The following CHRM5 variants were observed in gnomAD, a reference collection of about 807,000 sequenced individuals.
The protein encoded by CHRM5 is muscarinic acetylcholine receptor M5.
Under a neutral mutation model 39.0 loss-of-function variants are expected in CHRM5, and 18 were observed. The ratio of observed to expected loss-of-function variants is 0.46; its 90% CI spans 0.32 to 0.68. The LOEUF is 0.68. CHRM5 is among the 30% of genes least tolerant of loss of function. The pLI is 0.04. For synonymous variants in CHRM5, 241 were observed against 246.3 expected (o/e 0.98, Z 0.20); for missense variants, 515 against 651.1 (o/e 0.79, Z 2.28).
At chr15:33,973,374 TACAAC>T (rs2140501606) in intron 1 of CHRM5, among the ~76,000 whole-genome samples, 1 of 152,306 alleles carries the variant, frequency 6.6e-6, no homozygotes, top group Non-Finnish European at 1.5e-5. Flanking sequence ...TATAACATAG[TACAAC>T]TCTTAATATT....
In CHRM5 at chr15:34,062,742, G is replaced by A; in HGVS notation, c.25G>A (p.Ala9Thr). Reference protein sequence around the residue: MEGDSYHNATTVNGTPVNH... With the variant: MEGDSYHNTTTVNGTPVNH... ...GATGGAAGGGGATTCTTACCACAAT[G>A]CAACCACCGTCAATGGCACCCCAGT... is the stretch of plus-strand genomic sequence containing the variant. The change falls in exon 3 of 3, where the codon GCA becomes ACA. Residue 9 changes from alanine (A) to threonine (T), a missense_variant. Ala to Thr is a moderately conservative substitution (Grantham distance 58, BLOSUM62 0). Transcript: ENST00000383263. The A allele has an allele frequency of 2.5e-6, 4 of 1,612,624 alleles. No homozygotes were observed. Among genetic ancestry groups the A allele is most frequent in the Non-Finnish European group, 1.7e-6 (2 of 1,179,058 alleles).
chr15:34,008,915 T>C (rs534085644), intron 1 of CHRM5, among the ~76,000 whole-genome samples: 2 of 128,736 alleles, frequency 1.6e-5, no homozygotes, highest in African/African-American at 2.7e-5. Context: ...TCCATTTTGT[T>C]AAGATAAAAT....
chr15:34,020,161 A>T (rs888277087), intron 1 of CHRM5, among the ~76,000 whole-genome samples: 5 of 152,028 alleles, frequency 3.3e-5, no homozygotes, highest in Non-Finnish European at 7.4e-5. Flanking sequence ...AATACAAAAA[A>T]TTAGCCAGGC....
intron 1 of CHRM5, among the ~76,000 whole-genome samples, chr15:34,031,356 A>G (rs1027377928): frequency 4.0e-5 from 6 of 151,714 alleles, no homozygotes; most frequent in Non-Finnish European, 8.8e-5. Flanking sequence ...TATATTTCTA[A>G]TAGCGACAGG....
chr15:34,006,180 G>A (rs1897330979), intron 1 of CHRM5, among the ~76,000 whole-genome samples: 3 of 151,980 alleles, frequency 2.0e-5, no homozygotes, highest in Admixed American at 6.6e-5. Context: ...GCATGGTGGC[G>A]GGCACCTGTA....
intron 1 of CHRM5, among the ~76,000 whole-genome samples, chr15:34,011,739 A>G (rs1369166923): frequency 1.3e-5 from 2 of 152,092 alleles, no homozygotes; most frequent in Non-Finnish European, 2.9e-5. Context: ...AAGTCCTTAT[A>G]TCTTTCTCAT....
intron 1 of CHRM5, among the ~76,000 whole-genome samples, chr15:34,024,472 C>CAAAA (rs10531898): frequency 5.9e-5 from 6 of 101,914 alleles, no homozygotes; most frequent in African/African-American, 1.6e-4. Context: ...GACCCTGTCT[C>CAAAA]AAAAAAAAAA....
In CHRM5 at chr15:33,996,938, G is replaced by A. The variant is rs555710545; in HGVS notation, c.-408+27788G>A. 1.6e-3 allele frequency among the ~76,000 whole-genome samples: 240 copies of A among 152,222 alleles called. 1 individual carries two copies. The highest frequency in any genetic ancestry group is 5.3e-3 in the African/African-American group (219 of 41,552). ...CTAAAGGAGGCTGTTCGAACCCATC[G>A]CAAGGAAGCTAAAAAGCTTGAAAAA... On this transcript the variant is annotated intron_variant, in intron 1 of 2. Transcript: ENST00000383263.
intron 1 of CHRM5, among the ~76,000 whole-genome samples, chr15:33,980,352 C>T (rs1032166568): frequency 6.6e-6 from 1 of 152,158 alleles, no homozygotes; most frequent in Non-Finnish European, 1.5e-5. Flanking sequence ...GACAAGACCT[C>T]AGTGCAACAG....
At chr15:34,021,112 T>A (rs1463629113) in intron 1 of CHRM5, among the ~76,000 whole-genome samples, 1 of 152,216 alleles carries the variant, frequency 6.6e-6, no homozygotes, top group Non-Finnish European at 1.5e-5. Flanking sequence ...TCTTCCCCGA[T>A]GAAGAGTCTA....
chr15:34,004,721 T>C (rs74007657), intron 1 of CHRM5, among the ~76,000 whole-genome samples: 3,500 of 152,248 alleles, frequency 0.023, 125 homozygotes, highest in African/African-American at 0.078. Flanking sequence ...TGAAATATAC[T>C]ATACTTAATT....
chr15:34,003,065 C>G (rs753550469), intron 1 of CHRM5: 1 of 1,613,862 alleles, frequency 6.2e-7, no homozygotes, highest in Non-Finnish European at 8.5e-7. Flanking sequence ...AAATCTGTTC[C>G]CCTCTGTGAC....
At chr15:33,992,913 C>T (rs1896789649) in intron 1 of CHRM5, among the ~76,000 whole-genome samples, 1 of 152,120 alleles carries the variant, frequency 6.6e-6, no homozygotes, top group Non-Finnish European at 1.5e-5. Context: ...TAGTTTTAAG[C>T]AAAAATATGC....
In CHRM5 at chr15:34,067,340, G is replaced by A. The variant is rs1900538041; in HGVS notation, c.*3024G>A. ...TTGTGAAATCTGTACCCAAACCTCT[G>A]GATTAGAATCTCCAGTTGTCTACTG... On this transcript the variant is annotated 3_prime_UTR_variant, in exon 3 of 3. Coordinates refer to ENST00000383263, the MANE Select transcript of CHRM5 (RefSeq NM_012125.4). 1 of 152,126 alleles carries A rather than the reference G, an allele frequency of 6.6e-6. No homozygotes were observed. Among genetic ancestry groups the A allele is most frequent in the African/African-American group, 2.4e-5 (1 of 41,408 alleles). 9.4% of individuals were successfully genotyped at this position (152,126 alleles called of 1,614,324 possible).
intron 1 of CHRM5, among the ~76,000 whole-genome samples, chr15:34,035,852 T>G (rs1421173312): frequency 3.3e-5 from 5 of 152,158 alleles, no homozygotes; most frequent in Non-Finnish European, 7.4e-5. Context: ...TGGAGTGCAG[T>G]GGCAGGATCA....
chr15:34,024,127 G>C (rs1016607106), intron 1 of CHRM5, among the ~76,000 whole-genome samples: 5 of 145,458 alleles, frequency 3.4e-5, no homozygotes, highest in Non-Finnish European at 1.5e-5. Flanking sequence ...TCTACTGAGA[G>C]CTGATACTAT....
At chr15:34,027,385 C>T (rs539591303) in intron 1 of CHRM5, among the ~76,000 whole-genome samples, 2 of 151,890 alleles carry the variant, frequency 1.3e-5, no homozygotes, top group Non-Finnish European at 2.9e-5. Context: ...AAAAAACAGC[C>T]AGGCGTGTTG....
chr15:34,057,346 G>C (rs1466782034), intron 2 of CHRM5, among the ~76,000 whole-genome samples: 1 of 148,858 alleles, frequency 6.7e-6, no homozygotes, highest in Admixed American at 6.8e-5. Context: ...GTTTCACCAT[G>C]TTAGCCAGGA....
intron 1 of CHRM5, among the ~76,000 whole-genome samples, chr15:33,998,972 C>A (rs993444217): frequency 6.6e-6 from 1 of 152,210 alleles, no homozygotes; most frequent in African/African-American, 2.4e-5. Context: ...GGCCTGGATC[C>A]TGAACCCCAC....
Sources: gnomAD v4.1 joint callset for allele counts (sites outside exome capture counted in the v4.1 genomes callset) on GRCh38, gnomAD v4.1.1 for gene constraint, MANE v1.5 for transcripts, NCBI Gene and HGNC (gene_info 2026-07-23, HGNC 2026-07-21) for gene names.